Variants in DMD observed in about 807,000 individuals in gnomAD.
DMD encodes the protein mutant dystrophin.
Under a neutral mutation model 330.1 loss-of-function variants are expected in DMD, and 63 were observed. That is an observed-to-expected ratio of 0.19 (90% CI 0.16 to 0.24). The LOEUF (loss-of-function observed/expected upper bound fraction) is 0.24. Ranked by LOEUF, DMD falls within the 10% of genes least tolerant of loss-of-function variation. The pLI is 1.00. For missense variants in DMD, 3,344 were observed against 2,684.1 expected (o/e 1.25, Z -5.43); for synonymous variants, 1,223 against 959.8 (o/e 1.27, Z -5.07).
intron 9 of DMD, among the ~76,000 whole-genome samples, chrX:32,680,324 G>C (rs191198626): frequency 9.0e-6 from 1 of 111,166 alleles, no homozygotes; most frequent in Non-Finnish European, 1.9e-5. Flanking sequence ...ACATCACTAA[G>C]AACTTCAAAT....
chrX:32,961,771 A>G (rs16990778), intron 2 of DMD, among the ~76,000 whole-genome samples: 36,809 of 110,358 alleles, frequency 0.33, 4,933 homozygotes, highest in African/African-American at 0.5. Flanking sequence ...ATGTACATCT[A>G]GGCATAAGAT....
chrX:32,625,371 TATA>T (rs1010617528), intron 11 of DMD, among the ~76,000 whole-genome samples: 5 of 111,190 alleles, frequency 4.5e-5, no homozygotes, highest in Non-Finnish European at 9.4e-5. Context: ...TATATTTAAT[TATA>T]ATAATTATAA....
At chrX:31,771,650 G>T (rs758995426) in intron 51 of DMD, among the ~76,000 whole-genome samples, 148 of 109,657 alleles carry the variant, frequency 1.3e-3, no homozygotes, top group African/African-American at 4.8e-3. Flanking sequence ...TATAGGCATG[G>T]GCCACCACAC....
rs151150099 is a variant in DMD, at chrX:32,441,296, G to A, written c.3805C>T (p.His1269Tyr). 2.7e-5 allele frequency: 33 copies of A among 1,205,019 alleles called. No homozygotes were observed. In the African/African-American group the frequency reaches 4.9e-4, roughly 18 times the overall value. ...TTCTCCAAGTATGACAATAACTCAT[G>A]CCAACATGCCCAAACTTCCTAAGAA... ...KTLEEVWACW[H>Y]ELLSYLEKAN... is the part of the protein sequence containing the mutation. Residue 1269 changes from histidine (H) to tyrosine (Y), a missense_variant, in exon 28 of 79, where the codon CAT becomes TAT. Transcript: ENST00000357033.
intron 2 of DMD, among the ~76,000 whole-genome samples, chrX:32,892,536 G>A (rs2085314069): frequency 9.0e-6 from 1 of 111,371 alleles, no homozygotes; most frequent in African/African-American, 3.3e-5. Flanking sequence ...TGGGATTACA[G>A]GCACCTGCCA....
At chrX:33,281,409 A>G (rs1198833085) in intron 1 of DMD, among the ~76,000 whole-genome samples, 1 of 110,588 alleles carries the variant, frequency 9.0e-6, no homozygotes, top group Non-Finnish European at 1.9e-5. Flanking sequence ...GGGTTTCACT[A>G]TGTTGGCCAG....
chrX:33,113,567 T>C (rs1383603896), intron 1 of DMD, among the ~76,000 whole-genome samples: 6 of 90,373 alleles, frequency 6.6e-5, no homozygotes, highest in Non-Finnish European at 1.1e-4. Flanking sequence ...TATTCCAAAA[T>C]ATGAGGCAAA....
At chrX:32,606,635 A>G (rs1246932301) in intron 12 of DMD, among the ~76,000 whole-genome samples, 1 of 109,217 alleles carries the variant, frequency 9.2e-6, no homozygotes, top group Non-Finnish European at 1.9e-5. Context: ...ACTATTTACA[A>G]TAGCAAAGAA....
At chrX:32,766,887 TTA>T (rs2073059487) in intron 7 of DMD, among the ~76,000 whole-genome samples, 1 of 111,426 alleles carries the variant, frequency 9.0e-6, no homozygotes, top group Non-Finnish European at 1.9e-5. Flanking sequence ...ATTTATACAA[TTA>T]TATATTGTCA....
chrX:32,869,991 A>C (rs755897774), intron 2 of DMD, among the ~76,000 whole-genome samples: 13 of 111,048 alleles, frequency 1.2e-4, no homozygotes, highest in Non-Finnish European at 2.5e-4. Flanking sequence ...AAAGAAATCA[A>C]GGATAAATAG....
intron 1 of DMD, among the ~76,000 whole-genome samples, chrX:33,093,868 T>C (rs906577945): frequency 3.6e-5 from 4 of 111,416 alleles, no homozygotes; most frequent in Non-Finnish European, 7.5e-5. Context: ...AATAAAGGAA[T>C]TAATATTTTA....
intron 59 of DMD, among the ~76,000 whole-genome samples, chrX:31,464,662 T>C (rs183633908): frequency 8.9e-6 from 1 of 112,589 alleles, no homozygotes; most frequent in East Asian, 2.8e-4. Context: ...ATTAATAGTC[T>C]TTGCAATTGT....
intron 1 of DMD, among the ~76,000 whole-genome samples, chrX:33,288,349 A>G (rs2053464719): frequency 9.0e-6 from 1 of 111,675 alleles, no homozygotes; most frequent in South Asian, 3.7e-4. Flanking sequence ...GTGGTCATCC[A>G]GTTTTTGAAA....
chrX:31,963,787 CTT>C (rs369054870), intron 45 of DMD, among the ~76,000 whole-genome samples: 29 of 80,401 alleles, frequency 3.6e-4, no homozygotes, highest in East Asian at 8.1e-4. Context: ...GAGGAAAAAC[CTT>C]TTTTTTTTTT....
intron 50 of DMD, among the ~76,000 whole-genome samples, chrX:31,796,263 C>T (rs867574409): frequency 8.9e-6 from 1 of 111,935 alleles, no homozygotes; most frequent in Non-Finnish European, 1.9e-5. Context: ...AACAAAATTG[C>T]AGTGCTAAAT....
intron 1 of DMD, among the ~76,000 whole-genome samples, chrX:33,050,330 A>G (rs1429157923): frequency 1.8e-5 from 2 of 112,185 alleles, no homozygotes; most frequent in Non-Finnish European, 3.8e-5. Context: ...TCAAGGAATT[A>G]AAAGGTCTTA....
At chrX:32,917,593 TTCTC>T (rs1266458487) in intron 2 of DMD, among the ~76,000 whole-genome samples, 1 of 111,550 alleles carries the variant, frequency 9.0e-6, no homozygotes, top group Non-Finnish European at 1.9e-5. Flanking sequence ...GCTCTATAAT[TTCTC>T]TCTAACTCTA....
intron 37 of DMD, among the ~76,000 whole-genome samples, chrX:32,359,681 T>C (rs2097823568): frequency 9.0e-6 from 1 of 111,459 alleles, no homozygotes; most frequent in Non-Finnish European, 1.9e-5. Flanking sequence ...AAAAGATTAC[T>C]GAATAGCCAA....
chrX:32,128,981 A>T (rs185227456), intron 44 of DMD, among the ~76,000 whole-genome samples: 307 of 111,443 alleles, frequency 2.8e-3, no homozygotes, highest in African/African-American at 9.3e-3. Context: ...TCAGTCTGAC[A>T]ATTAATCATA....
Sources: allele counts gnomAD v4.1 joint callset (sites outside exome capture counted in the v4.1 genomes callset), GRCh38; gene constraint gnomAD v4.1.1; transcripts MANE v1.5; gene names NCBI Gene and HGNC (gene_info 2026-07-23, HGNC 2026-07-21).